ZNF385B: variants seen among roughly 807,000 people sequenced by gnomAD.
ZNF385B encodes the protein zinc finger protein 385B, also known as zinc finger protein 533.
In ZNF385B, 23 loss-of-function variants were observed where a neutral mutation model predicts 39.2. The observed-to-expected ratio is 0.59, with a 90% CI of 0.42 to 0.83. The LOEUF is 0.83. ZNF385B is among the 40% of genes least tolerant of loss of function. The pLI, the probability that ZNF385B is intolerant of heterozygous loss-of-function variation, is 0.00. For synonymous variants in ZNF385B, 205 were observed against 222.6 expected, an observed-to-expected ratio of 0.92 and a Z score of 0.70; for missense variants, 552 against 598.9, an observed-to-expected ratio of 0.92 and a Z score of 0.82.
chr2:179,787,766 G>A (rs1705090873), intron 1 of ZNF385B, among the ~76,000 whole-genome samples: 1 of 152,128 alleles, frequency 6.6e-6, no homozygotes, highest in Non-Finnish European at 1.5e-5. Flanking sequence ...GACTCTAAAG[G>A]AGCTGAACAC....
At chr2:179,829,542 C>G (rs564598790) in intron 1 of ZNF385B, among the ~76,000 whole-genome samples, 10 of 151,854 alleles carry the variant, frequency 6.6e-5, no homozygotes, top group Non-Finnish European at 1.3e-4. Context: ...GAGACAGGGT[C>G]TTGCTCTGTC....
At chr2:179,749,972 A>C (rs1702580909) in intron 3 of ZNF385B, among the ~76,000 whole-genome samples, 1 of 152,190 alleles carries the variant, frequency 6.6e-6, no homozygotes, top group Non-Finnish European at 1.5e-5. Flanking sequence ...CACTCCTTTT[A>C]ATCATTTTAT....
At chr2:179,572,217 T>A (rs570914723) in intron 3 of ZNF385B, among the ~76,000 whole-genome samples, 1 of 152,152 alleles carries the variant, frequency 6.6e-6, no homozygotes, top group Non-Finnish European at 1.5e-5. Context: ...TATTTATGAA[T>A]AAAAAAATCC....
intron 3 of ZNF385B, among the ~76,000 whole-genome samples, chr2:179,570,274 C>A (rs986917826): frequency 2.0e-5 from 3 of 152,134 alleles, no homozygotes; most frequent in African/African-American, 7.2e-5. Context: ...AGGATGGGCT[C>A]TCAACATGAA....
At chr2:179,649,055 T>C (rs572497014) in intron 3 of ZNF385B, among the ~76,000 whole-genome samples, 12 of 152,074 alleles carry the variant, frequency 7.9e-5, no homozygotes, top group Non-Finnish European at 1.2e-4. Flanking sequence ...TTACCTGAGA[T>C]CTGATAGGAT....
chr2:179,539,705 C>T (rs1189455734), intron 4 of ZNF385B, among the ~76,000 whole-genome samples: 1 of 151,800 alleles, frequency 6.6e-6, no homozygotes, highest in East Asian at 1.9e-4. Flanking sequence ...TAAAGAATGA[C>T]CATGGATAAA....
intron 3 of ZNF385B, among the ~76,000 whole-genome samples, chr2:179,548,852 A>G (rs987896991): frequency 2.0e-5 from 3 of 149,412 alleles, no homozygotes; most frequent in Non-Finnish European, 4.4e-5. Context: ...CTATAATTCA[A>G]GATGAGGTTT....
rs552489788 is a variant in ZNF385B, at chr2:179,772,261, C to T, written c.-154-1589G>A. Among the ~76,000 whole-genome samples, 11 of 152,206 alleles carry T rather than the reference C, an allele frequency of 7.2e-5. No individual in the cohort carries two copies. In the South Asian group the frequency reaches 2.3e-3, roughly 32 times the overall value. The stretch of plus-strand genomic sequence containing the variant: ...AAATGGCTCTTCTAGAATTCTGTAA[C>T]CTCTTCAGAGTACCAGCATCCTCCA... On this transcript the variant is annotated intron_variant, in intron 1 of 9. Coordinates refer to ENST00000410066, the MANE Select transcript of ZNF385B (RefSeq NM_152520.6).
intron 4 of ZNF385B, among the ~76,000 whole-genome samples, chr2:179,520,463 C>T (rs2058405990): frequency 6.6e-6 from 1 of 151,986 alleles, no homozygotes; most frequent in African/African-American, 2.4e-5. Flanking sequence ...AACTATGTGA[C>T]AAAGAAAATC....
chr2:179,652,556 C>G (rs1036140278), intron 3 of ZNF385B, among the ~76,000 whole-genome samples: 2 of 152,176 alleles, frequency 1.3e-5, no homozygotes, highest in African/African-American at 4.8e-5. Context: ...ATGGTTATTA[C>G]CATAACTCTC....
rs183615540 is a variant in ZNF385B, at chr2:179,833,393, G to A, written c.-155+27708C>T. Among the ~76,000 whole-genome samples, 669 of 152,000 alleles carry A rather than the reference G, an allele frequency of 4.4e-3. 10 individuals carry two copies. Among genetic ancestry groups the A allele is most frequent in the African/African-American group, 0.015 (604 of 41,472 alleles). Reference sequence around the variant, plus strand: ...GTATACCTAAAAAAACAATAAAAACGTATACACAGTATTCTGCTAAAAATT... The same window carrying A: ...GTATACCTAAAAAAACAATAAAAACATATACACAGTATTCTGCTAAAAATT... On this transcript the variant is annotated intron_variant, in intron 1 of 9. Coordinates refer to ENST00000410066, the MANE Select transcript of ZNF385B (RefSeq NM_152520.6).
chr2:179,701,997 G>A (rs764987992), intron 3 of ZNF385B, among the ~76,000 whole-genome samples: 3 of 152,096 alleles, frequency 2.0e-5, no homozygotes, highest in East Asian at 3.9e-4. Flanking sequence ...ACAAATACCC[G>A]TTGTATCTAG....
chr2:179,486,910 C>T (rs986576004), intron 5 of ZNF385B, among the ~76,000 whole-genome samples: 5 of 151,720 alleles, frequency 3.3e-5, no homozygotes, highest in East Asian at 1.9e-4. Flanking sequence ...AATGAGACTC[C>T]GTCTCAAAAA....
intron 3 of ZNF385B, among the ~76,000 whole-genome samples, chr2:179,744,301 C>T (rs1270872131): frequency 6.8e-6 from 1 of 147,278 alleles, no homozygotes; most frequent in African/African-American, 2.5e-5. Context: ...TTAGGTTCTT[C>T]CCATCTCTCC....
At chr2:179,808,145 G>C (rs1706501066) in intron 1 of ZNF385B, among the ~76,000 whole-genome samples, 1 of 151,846 alleles carries the variant, frequency 6.6e-6, no homozygotes, top group South Asian at 2.1e-4. Context: ...CCATTCTCCT[G>C]CCTTAGCCTC....
chr2:179,491,469 A>G (rs1000495126), intron 5 of ZNF385B, among the ~76,000 whole-genome samples: 6 of 152,234 alleles, frequency 3.9e-5, no homozygotes, highest in African/African-American at 1.2e-4. Context: ...CAAATCACAA[A>G]CTTCATGAAT....
At chr2:179,749,512 C>T (rs1471567044) in intron 3 of ZNF385B, among the ~76,000 whole-genome samples, 2 of 152,076 alleles carry the variant, frequency 1.3e-5, no homozygotes, top group Non-Finnish European at 2.9e-5. Flanking sequence ...GGATGTCTAA[C>T]CCAGAACACT....
At chr2:179,665,556 T>G (rs1022588759) in intron 3 of ZNF385B, among the ~76,000 whole-genome samples, 4 of 152,196 alleles carry the variant, frequency 2.6e-5, no homozygotes, top group Admixed American at 6.5e-5. Context: ...ATTAAACTAT[T>G]TATTCTCTAT....
chr2:179,524,551 C>CAAAAAAAAAAAAAAAAAA (rs770219234), intron 4 of ZNF385B, among the ~76,000 whole-genome samples: 1 of 60,990 alleles, frequency 1.6e-5, no homozygotes, highest in African/African-American at 7.8e-5. Context: ...GACTCCGTCT[C>CAAAAAAAAAAAAAAAAAA]AAAAAAAAAA....
Sources: allele counts gnomAD v4.1 joint callset (sites outside exome capture counted in the v4.1 genomes callset), GRCh38; gene constraint gnomAD v4.1.1; transcripts MANE v1.5; gene names NCBI Gene and HGNC (gene_info 2026-07-23, HGNC 2026-07-21).